The following RTL4 variants were observed in gnomAD, a reference collection of about 807,000 sequenced individuals.
RTL4 encodes retrotransposon Gag-like protein 4.
RTL4 carries 4 observed loss-of-function variants against 5.3 expected under a neutral mutation model. That is an observed-to-expected ratio of 0.75 (90% CI 0.37 to 1.72). The LOEUF (loss-of-function observed/expected upper bound fraction) is 1.72, where lower values mean the gene tolerates loss of function less well. RTL4 is among the 40% of genes most tolerant of loss of function. The probability of loss-of-function intolerance (pLI) is 0.04; values close to 1 mark genes in which losing one functional copy is unlikely to be tolerated. For missense variants in RTL4, 260 were observed against 227.1 expected, an observed-to-expected ratio of 1.14 and a Z score of -0.93; for synonymous variants, 98 against 87.3, an observed-to-expected ratio of 1.12 and a Z score of -0.68.
chrX:112,197,266 G>A, the RTL4 span, among the ~76,000 whole-genome samples: 4 of 110,215 alleles, frequency 3.6e-5, no homozygotes, highest in Non-Finnish European at 7.6e-5. Context: ...GTGAAGAGAG[G>A]GATAGGTCCT....
the RTL4 span, among the ~76,000 whole-genome samples, chrX:112,371,760 A>G: frequency 9.0e-6 from 1 of 111,698 alleles, no homozygotes; most frequent in African/African-American, 3.3e-5. Context: ...CCATCACACC[A>G]TTTAAAGGCA....
the RTL4 span, among the ~76,000 whole-genome samples, chrX:112,418,019 G>A: frequency 2.7e-4 from 30 of 110,868 alleles, no homozygotes; most frequent in African/African-American, 9.2e-4. Context: ...GTGGTGGCAT[G>A]TGCGTGTAGT....
the RTL4 span, among the ~76,000 whole-genome samples, chrX:112,142,089 G>A: frequency 8.9e-6 from 1 of 112,459 alleles, no homozygotes; most frequent in Non-Finnish European, 1.9e-5. Context: ...GATGCTGAAT[G>A]AAGCTGAGGG....
chrX:112,330,986 T>C, the RTL4 span, among the ~76,000 whole-genome samples: 10 of 108,927 alleles, frequency 9.2e-5, no homozygotes, highest in Admixed American at 4.9e-4. Context: ...CCCTTCCTTA[T>C]ACCTTATACA....
the RTL4 span, among the ~76,000 whole-genome samples, chrX:112,305,319 G>A: frequency 1.9e-5 from 2 of 106,236 alleles, no homozygotes; most frequent in Non-Finnish European, 3.9e-5. Context: ...ACCATACCTG[G>A]CTAATTTTTG....
chrX:112,310,425 T>A, the RTL4 span, among the ~76,000 whole-genome samples: 1 of 72,501 alleles, frequency 1.4e-5, no homozygotes, highest in African/African-American at 5.3e-5. Context: ...TTTAATATAA[T>A]ATACGTATAT....
At chrX:112,177,527 A>ATT in the RTL4 span, among the ~76,000 whole-genome samples, 5 of 96,392 alleles carry the variant, frequency 5.2e-5, no homozygotes, top group African/African-American at 1.9e-4. Flanking sequence ...ATTATTTGGG[A>ATT]TTTTTTTTTT....
chrX:112,097,819 G>A, the RTL4 span, among the ~76,000 whole-genome samples: 1 of 111,260 alleles, frequency 9.0e-6, no homozygotes, highest in Non-Finnish European at 1.9e-5. Context: ...AAGGTGGAAA[G>A]GTAGAATTTT....
At chrX:112,158,520 A>C in the RTL4 span, among the ~76,000 whole-genome samples, 1 of 109,440 alleles carries the variant, frequency 9.1e-6, no homozygotes, top group Non-Finnish European at 1.9e-5. Flanking sequence ...ACATATGTGC[A>C]CATACATACA....
At chrX:112,206,163 G>T in the RTL4 span, among the ~76,000 whole-genome samples, 13 of 111,496 alleles carry the variant, frequency 1.2e-4, no homozygotes, top group Non-Finnish European at 2.1e-4. Context: ...TTTAAACTTT[G>T]CTGGGCTGGA....
the RTL4 span, among the ~76,000 whole-genome samples, chrX:112,236,274 C>T: frequency 2.8e-5 from 3 of 106,321 alleles, no homozygotes; most frequent in African/African-American, 1.0e-4. Context: ...TTTATGAGCC[C>T]CAGTTTCCTT....
At chrX:112,329,349 T>C in the RTL4 span, among the ~76,000 whole-genome samples, 2 of 111,233 alleles carry the variant, frequency 1.8e-5, no homozygotes, top group South Asian at 3.8e-4. Context: ...CCCACAGAAA[T>C]ACAAACTACC....
At chrX:112,244,578 C>T in the RTL4 span, among the ~76,000 whole-genome samples, 1 of 111,436 alleles carries the variant, frequency 9.0e-6, no homozygotes, top group East Asian at 2.8e-4. Flanking sequence ...TATTTTGAGC[C>T]TATGTGTGCT....
chrX:112,181,399 A>T, the RTL4 span, among the ~76,000 whole-genome samples: 1 of 112,020 alleles, frequency 8.9e-6, no homozygotes, highest in African/African-American at 3.2e-5. Context: ...GGATCCCACC[A>T]TCACGGAGCC....
At chrX:112,166,395 G>C in the RTL4 span, among the ~76,000 whole-genome samples, 1 of 111,850 alleles carries the variant, frequency 8.9e-6, no homozygotes, top group Non-Finnish European at 1.9e-5. Flanking sequence ...GAGCTCAGAT[G>C]AATGAAAAAC....
At chrX:112,373,677 A>G in the RTL4 span, among the ~76,000 whole-genome samples, 1 of 90,822 alleles carries the variant, frequency 1.1e-5, no homozygotes, top group South Asian at 4.1e-4. Flanking sequence ...CTGCTCAATG[A>G]ATTTTGAAAT....
the RTL4 span, among the ~76,000 whole-genome samples, chrX:112,207,422 C>T: frequency 3.3e-4 from 37 of 111,867 alleles, 2 homozygotes; most frequent in East Asian, 8.7e-3. Context: ...TTTGGACTTA[C>T]GACTATCTGA....
chrX:112,275,698 G>C, the RTL4 span, among the ~76,000 whole-genome samples: 1 of 111,653 alleles, frequency 9.0e-6, no homozygotes, highest in Non-Finnish European at 1.9e-5. Flanking sequence ...CACTTTGGGA[G>C]GCCAAGGCGG....
chrX:112,287,008 A>G, the RTL4 span, among the ~76,000 whole-genome samples: 161 of 111,658 alleles, frequency 1.4e-3, no homozygotes, highest in African/African-American at 4.4e-3. Flanking sequence ...CAAATTTTGG[A>G]TACATATTTA....
Sources: gnomAD v4.1 joint callset for allele counts (sites outside exome capture counted in the v4.1 genomes callset) on GRCh38, gnomAD v4.1.1 for gene constraint, MANE v1.5 for transcripts, NCBI Gene and HGNC (gene_info 2026-07-23, HGNC 2026-07-21) for gene names.